The following GCNT2 variants were observed in gnomAD, a reference collection of about 807,000 sequenced individuals.
The protein encoded by GCNT2 is glucosaminyl (N-acetyl) transferase 2 (I blood group).
A neutral mutation model predicts 34.2 loss-of-function variants in GCNT2; 34 were observed. The observed-to-expected ratio is 1.00, with a 90% CI of 0.76 to 1.32. The LOEUF (loss-of-function observed/expected upper bound fraction) is 1.32, where lower values mean the gene tolerates loss of function less well. Among genes scored for constraint, GCNT2 ranks in the 40% most tolerant of loss-of-function variants. The probability of loss-of-function intolerance (pLI) is 0.00; values close to 1 mark genes in which losing one functional copy is unlikely to be tolerated. For synonymous variants in GCNT2, 212 were observed against 188.0 expected, an observed-to-expected ratio of 1.13 and a Z score of -1.04; for missense variants, 584 against 489.4, an observed-to-expected ratio of 1.19 and a Z score of -1.82.
intron 3 of GCNT2, among the ~76,000 whole-genome samples, chr6:10,593,060 T>C (rs753503006): frequency 2.9e-4 from 44 of 152,238 alleles, no homozygotes; most frequent in Non-Finnish European, 4.8e-4. Context: ...TGTTAATTCC[T>C]AATCTCTAGA....
At chr6:10,573,982 T>A (rs1173246197) in intron 3 of GCNT2, among the ~76,000 whole-genome samples, 2 of 152,244 alleles carry the variant, frequency 1.3e-5, no homozygotes. Context: ...GGGGCCCAGA[T>A]GAGCCAGGTT....
intron 3 of GCNT2, among the ~76,000 whole-genome samples, chr6:10,531,102 A>G (rs1403095409): frequency 5.3e-5 from 8 of 152,236 alleles, no homozygotes; most frequent in South Asian, 2.1e-4. Context: ...AGAAACTTCA[A>G]TGTGATTACA....
intron 3 of GCNT2, among the ~76,000 whole-genome samples, chr6:10,613,810 TGA>T (rs1352427409): frequency 6.6e-6 from 1 of 152,194 alleles, no homozygotes; most frequent in Non-Finnish European, 1.5e-5. Flanking sequence ...CTACTTCATT[TGA>T]GAGGTGAGGT....
chr6:10,625,241 T>G (rs1164020074), intron 4 of GCNT2, among the ~76,000 whole-genome samples: 1 of 152,156 alleles, frequency 6.6e-6, no homozygotes, highest in East Asian at 1.9e-4. Flanking sequence ...AGCCTCTTGG[T>G]TTCTAATGTA....
chr6:10,592,675 C>A (rs1322113192), intron 3 of GCNT2, among the ~76,000 whole-genome samples: 2 of 152,144 alleles, frequency 1.3e-5, no homozygotes, highest in Admixed American at 1.3e-4. Flanking sequence ...TGTTCGCCAC[C>A]CCTAAAAAGG....
rs201257236 is a variant in GCNT2, at chr6:10,537,698, CAAAAAA to C, written c.925+7885_925+7890del. ...CCTGGGCAAGAGGGAGATTCTGCCG[CAAAAAA>C]AAAAAAAAAAAAAAAAAAAAAACAA... On this transcript the variant is annotated intron_variant, in intron 3 of 4. Coordinates refer to ENST00000495262, the MANE Select transcript of GCNT2 (RefSeq NM_145649.5). Among the ~76,000 whole-genome samples, 47 of 83,178 alleles carry C rather than the reference CAAAAAA, an allele frequency of 5.7e-4. No homozygotes were observed. In the East Asian group the frequency reaches 6.0e-3, roughly 11 times the overall value. 54.6% of individuals were successfully genotyped at this position (83,178 alleles called of 152,430 possible).
chr6:10,621,841 G>A (rs537914901), intron 4 of GCNT2, among the ~76,000 whole-genome samples: 120 of 152,180 alleles, frequency 7.9e-4, no homozygotes, highest in Non-Finnish European at 1.2e-3. Flanking sequence ...AAGAAGCTGG[G>A]ACCACAGGCG....
intron 3 of GCNT2, among the ~76,000 whole-genome samples, chr6:10,565,863 C>T (rs1763258515): frequency 6.6e-6 from 1 of 152,180 alleles, no homozygotes; most frequent in African/African-American, 2.4e-5. Flanking sequence ...TTAATCCATC[C>T]TCCACAGTGA....
rs375604908 is a variant in GCNT2, at chr6:10,621,326, C to T, written c.926-25C>T. On this transcript the variant is annotated intron_variant, in intron 3 of 4. Transcript: ENST00000495262. ...CCTTCTCTCATGACTCTCATCTCTA[C>T]GCTTCTTCTTTATCAACATTGCAGG... 54 of 1,466,624 alleles carry T rather than the reference C, an allele frequency of 3.7e-5. No homozygotes were observed. In the African/African-American group the frequency reaches 5.7e-4, roughly 15 times the overall value. The allele number at this position is 1,466,624 out of a possible 1,614,324, so 90.9% of individuals were successfully genotyped here.
intron 3 of GCNT2, among the ~76,000 whole-genome samples, chr6:10,573,536 T>G (rs923144138): frequency 6.6e-6 from 1 of 152,204 alleles, no homozygotes; most frequent in East Asian, 1.9e-4. Flanking sequence ...CATAGCAAGC[T>G]TCTTCGATTT....
chr6:10,530,317 A>T (rs1761423580), intron 3 of GCNT2: 1 of 158,304 alleles, frequency 6.3e-6, no homozygotes, highest in Non-Finnish European at 1.4e-5. Flanking sequence ...ATGAGCCAAG[A>T]TTGTGCCACT....
At chr6:10,528,547 A>G (rs1761310481) in intron 2 of GCNT2, 84 bp from the exon 3 acceptor site, 2 of 340,136 alleles carry the variant, frequency 5.9e-6, no homozygotes, top group Non-Finnish European at 1.1e-5. Context: ...CAGAATGGTC[A>G]CCTCACCCAC....
At chr6:10,571,342 AATTATT>A (rs151274369) in intron 3 of GCNT2, among the ~76,000 whole-genome samples, 3,262 of 151,766 alleles carry the variant, frequency 0.021, 49 homozygotes, top group Non-Finnish European at 0.034. Context: ...TGATCATGAT[AATTATT>A]ATTATTATTA....
chr6:10,587,491 A>C (rs1764408704), intron 3 of GCNT2, among the ~76,000 whole-genome samples: 1 of 152,228 alleles, frequency 6.6e-6, no homozygotes, highest in Non-Finnish European at 1.5e-5. Context: ...CTGATATTTT[A>C]GCCTGGAGGA....
At chr6:10,557,482 A>T in intron 3 of GCNT2, 1 of 697,848 alleles carries the variant, frequency 1.4e-6, no homozygotes, top group Non-Finnish European at 2.4e-6. Context: ...TTCTAAATGC[A>T]GAAAGATGTT....
At chr6:10,584,297 A>G (rs914891579) in intron 3 of GCNT2, among the ~76,000 whole-genome samples, 1 of 152,226 alleles carries the variant, frequency 6.6e-6, no homozygotes, top group Non-Finnish European at 1.5e-5. Flanking sequence ...TTAACTTTAC[A>G]TAAACATCTC....
At chr6:10,587,919 C>T (rs1026164297) in intron 3 of GCNT2, among the ~76,000 whole-genome samples, 1 of 152,158 alleles carries the variant, frequency 6.6e-6, no homozygotes, top group Admixed American at 6.5e-5. Flanking sequence ...ACTGCACAAC[C>T]ACACCACACA....
At chr6:10,573,382 T>A in intron 3 of GCNT2, 1 of 737,018 alleles carries the variant, frequency 1.4e-6, no homozygotes, top group Non-Finnish European at 1.7e-6. Flanking sequence ...GGGCATTTAG[T>A]GTTAACAGCT....
At chr6:10,554,937 G>A (rs1762627943) in intron 3 of GCNT2, among the ~76,000 whole-genome samples, 1 of 152,212 alleles carries the variant, frequency 6.6e-6, no homozygotes, top group Non-Finnish European at 1.5e-5. Flanking sequence ...GTGTGCTCAG[G>A]AAATGATGTG....
Sources: allele counts gnomAD v4.1 joint callset (sites outside exome capture counted in the v4.1 genomes callset), GRCh38; gene constraint gnomAD v4.1.1; transcripts MANE v1.5; gene names NCBI Gene and HGNC (gene_info 2026-07-23, HGNC 2026-07-21).